CAPN1: variants seen among roughly 807,000 people sequenced by gnomAD.
CAPN1 encodes the protein calpain-1 catalytic subunit.
Under a neutral mutation model 105.2 loss-of-function variants are expected in CAPN1, and 77 were observed. The ratio of observed to expected loss-of-function variants is 0.73; its 90% CI spans 0.61 to 0.88. CAPN1 has a LOEUF of 0.88. CAPN1 is among the 40% of genes least tolerant of loss of function. The pLI, the probability that CAPN1 is intolerant of heterozygous loss-of-function variation, is 0.00. For synonymous variants in CAPN1, 355 were observed against 388.8 expected (o/e 0.91, Z 1.02); for missense variants, 833 against 976.6 (o/e 0.85, Z 1.96).
chr11:65,193,561 T>C (rs908688680), intron 10 of CAPN1, among the ~76,000 whole-genome samples: 3 of 143,484 alleles, frequency 2.1e-5, no homozygotes, highest in East Asian at 2.1e-4. Flanking sequence ...AGGAGAATGG[T>C]GTGAACCTGG....
At chr11:65,203,103 G>T (rs1948895531) in intron 10 of CAPN1, among the ~76,000 whole-genome samples, 1 of 152,094 alleles carries the variant, frequency 6.6e-6, no homozygotes, top group South Asian at 2.1e-4. Context: ...CCATTGTTTG[G>T]CTCCATATTT....
chr11:65,207,591 G>C (rs1590866061), intron 14 of CAPN1, among the ~76,000 whole-genome samples: 1 of 151,966 alleles, frequency 6.6e-6, no homozygotes, highest in African/African-American at 2.4e-5. Flanking sequence ...GGGCAGGGCA[G>C]GAACGAGATT....
In CAPN1 at chr11:65,204,758, A is replaced by C. The variant is rs764022910; in HGVS notation, c.1241A>C (p.Glu414Ala). 11 of 1,613,042 alleles carry C rather than the reference A, an allele frequency of 6.8e-6. 1 individual carries two copies. ...TDDPDDYGDRESGCSFVLALM... is the reference protein window; with the variant it reads ...TDDPDDYGDRASGCSFVLALM... ...GACCCGGACGACTACGGGGACCGCG[A>C]GTCAGGCTGCAGCTTCGTGCTCGCC... The change falls in exon 11 of 22, where the codon GAG becomes GCG. Residue 414 changes from glutamate (E) to alanine (A), a missense_variant. Physicochemically the swap from Glu to Ala is moderately radical, Grantham distance 107. Coordinates refer to ENST00000279247, the MANE Select transcript of CAPN1 (RefSeq NM_005186.4).
intron 7 of CAPN1, 158 bp from the exon 8 acceptor site, chr11:65,187,797 G>T (rs888317988): frequency 1.7e-6 from 1 of 575,016 alleles, no homozygotes; most frequent in Non-Finnish European, 3.2e-6. Flanking sequence ...TGAGGCAAGA[G>T]AATTGAATTG....
chr11:65,182,614 G>T (rs1948555840), intron 1 of CAPN1, 87 bp from the exon 2 acceptor site: 3 of 1,380,032 alleles, frequency 2.2e-6, no homozygotes, highest in Non-Finnish European at 2.9e-6. Flanking sequence ...TGGATAAGCA[G>T]GGGCAGGAGA....
rs369561177 is a variant in CAPN1, at chr11:65,187,287, G to A, written c.832G>A (p.Gly278Arg). 25 of 1,611,698 alleles carry A rather than the reference G, an allele frequency of 1.6e-5. No homozygotes were observed. Among genetic ancestry groups the A allele is most frequent in the Non-Finnish European group, 2.0e-5 (24 of 1,178,586 alleles). Residue 278 changes from glycine to arginine, a missense_variant, in exon 7 of 22, where the codon GGG becomes AGG. Physicochemically the swap from Gly to Arg is moderately radical, Grantham distance 125. Transcript: ENST00000279247. Reference protein sequence around the residue: ...LVKGHAYSVTGAKQVNYRGQV... With the variant: ...LVKGHAYSVTRAKQVNYRGQV... ...GAAGGGCCATGCCTACTCTGTGACC[G>A]GGGCCAAGCAGGTACTGCCCTGGGT...
chr11:65,210,299 T>G lies in CAPN1; in HGVS notation c.1943-37T>G. 6.9e-7 allele frequency: 1 copy of G among 1,458,928 alleles called. No individual in the cohort carries two copies. The highest frequency in any genetic ancestry group is 9.6e-7 in the Non-Finnish European group (1 of 1,046,566). The allele number at this position is 1,458,928 out of a possible 1,614,324, so 90.4% of individuals were successfully genotyped here. A position where few individuals can be genotyped will look rare whatever the true frequency, so the allele number is the denominator to read the frequency against. On this transcript the variant is annotated intron_variant, in intron 19 of 21. Coordinates refer to ENST00000279247, the MANE Select transcript of CAPN1 (RefSeq NM_005186.4). The surrounding 1 kb of genome is among the most constrained non-coding windows in gnomAD (Gnocchi z 4.3). ...CTCCCCCATCCTGTTGGGCAGGGGC[T>G]GCGCCTCACTGACCTTCACTCACTC... is the stretch of plus-strand genomic sequence containing the variant.
At chr11:65,191,029 C>G (rs755374863) in intron 10 of CAPN1, among the ~76,000 whole-genome samples, 4 of 152,096 alleles carry the variant, frequency 2.6e-5, no homozygotes, top group Non-Finnish European at 4.4e-5. Flanking sequence ...CTCTGTTTTT[C>G]CAAATGAATT....
rs1330507553 is a variant in CAPN1, at chr11:65,182,919, T to C, written c.218T>C (p.Leu73Pro). The C allele has an allele frequency of 5.0e-6, 8 of 1,612,000 alleles. No homozygotes were observed. The highest frequency in any genetic ancestry group is 6.8e-6 in the Non-Finnish European group (8 of 1,179,062). The change falls in exon 2 of 22, where the codon CTG becomes CCG. Residue 73 changes from leucine (L) to proline (P), a missense_variant. Coordinates refer to ENST00000279247, the MANE Select transcript of CAPN1 (RefSeq NM_005186.4). Reference sequence around the variant, plus strand: ...CCCCAGAGCCTGGGTTACAAGGACCTGGGTCCCAATTCCTCCAAGACCTAT... The same window carrying C: ...CCCCAGAGCCTGGGTTACAAGGACCCGGGTCCCAATTCCTCCAAGACCTAT... Reference protein sequence around the residue: ...PVPQSLGYKDLGPNSSKTYGI... With the variant: ...PVPQSLGYKDPGPNSSKTYGI...
chr11:65,185,634 T>G (rs6591179), intron 4 of CAPN1, among the ~76,000 whole-genome samples: 16,612 of 150,690 alleles, frequency 0.11, 1,031 homozygotes, highest in East Asian at 0.23. Context: ...CTTCAATACC[T>G]AGATACATGT....
rs1949005847 is a variant in CAPN1, at chr11:65,209,165, C to T, written c.1730-158C>T. ...TTGCTAAAATACTTTACTTGTACTT[C>T]CTGATGATACAAACAATCCTGCCCA... On this transcript the variant is annotated intron_variant, in intron 16 of 21. Transcript: ENST00000279247. This position sits in a 1 kb window ranked among gnomAD's most constrained non-coding sequence, Gnocchi z 4.1. 1.7e-5 allele frequency: 11 copies of T among 633,910 alleles called. No individual in the cohort carries two copies. The highest frequency in any genetic ancestry group is 1.1e-4 in the East Asian group (4 of 36,342). 39.3% of individuals were successfully genotyped at this position (633,910 alleles called of 1,614,324 possible).
At chr11:65,191,454 C>T (rs1246668839) in intron 10 of CAPN1, among the ~76,000 whole-genome samples, 1 of 152,194 alleles carries the variant, frequency 6.6e-6, no homozygotes, top group Non-Finnish European at 1.5e-5. Context: ...TCTTAGCTCA[C>T]TACAACTTCT....
rs17881557 is a variant in CAPN1 at position 65,210,616 on chromosome 11, G to A, written c.2059+164G>A. Among the ~76,000 whole-genome samples, 1,724 of 152,246 alleles carry A rather than the reference G, an allele frequency of 0.011. 32 individuals are homozygous for A. Among genetic ancestry groups the A allele is most frequent in the African/African-American group, 0.038 (1,589 of 41,524 alleles). ...TTTGGGGGGCCCTGGCTGAGTGCCA[G>A]GAGAGTCGGGGAGGGAGGGAGTTGA... On this transcript the variant is annotated intron_variant, in intron 20 of 21. Coordinates refer to ENST00000279247, the MANE Select transcript of CAPN1 (RefSeq NM_005186.4). The surrounding 1 kb of genome is among the most constrained non-coding windows in gnomAD (Gnocchi z 4.3).
At position 65,194,546 on chromosome 11, in the gene CAPN1, G is replaced by A. The variant is rs149138534; in HGVS notation, c.1165+5800G>A. 1.9e-3 allele frequency among the ~76,000 whole-genome samples: 284 copies of A among 151,544 alleles called. 2 individuals carry two copies. The highest frequency in any genetic ancestry group is 6.5e-3 in the African/African-American group (270 of 41,270). The stretch of plus-strand genomic sequence containing the variant: ...CCGTTATCCAGAGCATTTCTTCACC[G>A]CCCCCACCCCGAAAATCCCGTAATT... On this transcript the variant is annotated intron_variant, in intron 10 of 21. Transcript: ENST00000279247.
chr11:65,210,166 C>A lies in CAPN1; in HGVS notation c.1942+70C>A. ...AGCCCCACTGCTCCTATGCCCCAGGCCCTTGTCCCTGGGGTGCTAGTGGTG... is the reference window on the plus strand; with the variant it reads ...AGCCCCACTGCTCCTATGCCCCAGGACCTTGTCCCTGGGGTGCTAGTGGTG... On this transcript the variant is annotated intron_variant, in intron 19 of 21. Coordinates refer to ENST00000279247, the MANE Select transcript of CAPN1 (RefSeq NM_005186.4). This position sits in a 1 kb window ranked among gnomAD's most constrained non-coding sequence, Gnocchi z 4.3. 1 of 1,350,352 alleles carries A rather than the reference C, an allele frequency of 7.4e-7. No individual in the cohort carries two copies. The highest frequency in any genetic ancestry group is 1.1e-6 in the Non-Finnish European group (1 of 942,954). The allele number at this position is 1,350,352 out of a possible 1,614,324, so 83.6% of individuals were successfully genotyped here.
chr11:65,181,651 C>A (rs1282428204), upstream of CAPN1: 15 of 362,490 alleles, frequency 4.1e-5, no homozygotes, highest in Middle Eastern at 9.0e-4. The surrounding 1 kb of genome is among the most constrained non-coding windows in gnomAD (Gnocchi z 4.6). Context: ...CCCCGCGGTG[C>A]CCTTCCGCCG....
At chr11:65,183,756 GGGCTGGGCAGGTATTTC>G (rs1948589362) in intron 4 of CAPN1, 164 bp downstream of exon 4, 1 of 591,396 alleles carries the variant, frequency 1.7e-6, no homozygotes, top group Non-Finnish European at 3.0e-6. Context: ...TGAAGTGACT[GGGCTGGGCAGGTATTTC>G]GGCTGGCAGT....
At chr11:65,194,446 A>G (rs1948763846) in intron 10 of CAPN1, among the ~76,000 whole-genome samples, 1 of 152,240 alleles carries the variant, frequency 6.6e-6, no homozygotes, top group Non-Finnish European at 1.5e-5. Flanking sequence ...TATAATTCAC[A>G]CACCAGAAAA....
At position 65,185,903 on chromosome 11, in the gene CAPN1, C is replaced by T. The variant is rs759751053; in HGVS notation, c.457-14C>T. ...GATTCCAAAGCAGGTACTCACCGTG[C>T]CCCTCCCCCACAGCTGTGGCAATTT... On this transcript the variant is annotated splice_polypyrimidine_tract_variant and intron_variant, in intron 4 of 21. Transcript: ENST00000279247. 9 of 1,572,270 alleles carry T rather than the reference C, an allele frequency of 5.7e-6. No homozygotes were observed.
Sources: gnomAD v4.1 joint callset for allele counts (sites outside exome capture counted in the v4.1 genomes callset) on GRCh38, gnomAD v4.1.1 for gene constraint, Gnocchi (gnomAD v3.1) non-coding constraint, MANE v1.5 for transcripts, NCBI Gene and HGNC (gene_info 2026-07-23, HGNC 2026-07-21) for gene names.